The following RANBP2 variants were observed in gnomAD, a reference collection of about 807,000 sequenced individuals.
RANBP2 encodes RAN binding protein 2, also known as E3 SUMO-protein ligase RanBP2.
RANBP2 carries 57 observed loss-of-function variants against 303.6 expected under a neutral mutation model. The ratio of observed to expected loss-of-function variants is 0.19; its 90% CI spans 0.15 to 0.23. The LOEUF (loss-of-function observed/expected upper bound fraction) is 0.23. RANBP2 is among the 10% of genes least tolerant of loss of function. The pLI, the probability that RANBP2 is intolerant of heterozygous loss-of-function variation, is 1.00. For missense variants in RANBP2, 3,138 were observed against 3,780.8 expected (o/e 0.83, Z 4.46); for synonymous variants, 1,167 against 1,301.5 (o/e 0.90, Z 2.23).
At chr2:109,614,485 C>A in the RANBP2 span, 10 of 1,233,548 alleles carry the variant, frequency 8.1e-6, no homozygotes, top group South Asian at 1.4e-4. Context: ...GCAGCGCGGT[C>A]GAGGATGGAG....
the RANBP2 span, among the ~76,000 whole-genome samples, chr2:108,923,082 C>T: frequency 6.6e-6 from 1 of 152,134 alleles, no homozygotes; most frequent in Non-Finnish European, 1.5e-5. Context: ...GTTAGTACCC[C>T]CATATTACCG....
At chr2:108,877,521 G>C in the RANBP2 span, among the ~76,000 whole-genome samples, 1 of 151,966 alleles carries the variant, frequency 6.6e-6, no homozygotes, top group South Asian at 2.1e-4. Flanking sequence ...GTGCACATTA[G>C]AAACAAAAAA....
At chr2:108,843,232 A>G in the RANBP2 span, among the ~76,000 whole-genome samples, 2 of 152,078 alleles carry the variant, frequency 1.3e-5, no homozygotes, top group Non-Finnish European at 2.9e-5. Flanking sequence ...ATCTTGGCTC[A>G]CTGCAACCTC....
the RANBP2 span, among the ~76,000 whole-genome samples, chr2:109,483,235 CA>C: frequency 6.6e-6 from 1 of 152,188 alleles, no homozygotes; most frequent in Non-Finnish European, 1.5e-5. Context: ...AAATAATAAT[CA>C]AAAAACTTCC....
the RANBP2 span, among the ~76,000 whole-genome samples, chr2:109,175,073 AT>A: frequency 6.7e-6 from 1 of 149,202 alleles, no homozygotes; most frequent in Non-Finnish European, 1.5e-5. Flanking sequence ...TATTTAAATG[AT>A]TTTGAGATGC....
In RANBP2 at chr2:108,767,718, A is replaced by G. The variant is rs1258206214; in HGVS notation, c.7179A>G (p.Gln2393=). 1 of 1,612,056 alleles carries G rather than the reference A, an allele frequency of 6.2e-7. No individual in the cohort carries two copies. The highest frequency in any genetic ancestry group is 1.7e-5 in the Admixed American group (1 of 60,024). Residue 2393 remains glutamine, a synonymous_variant, in exon 20 of 29, where the codon CAA becomes CAG. Transcript: ENST00000283195. ...GAATAACTCCAGACATGACTTTGCAAAATATGAAAGGGACAGAAAGAGTAT... is the reference window on the plus strand; with the variant it reads ...GAATAACTCCAGACATGACTTTGCAGAATATGAAAGGGACAGAAAGAGTAT... ...NHRITPDMTL[Q]NMKGTERVWL... is the part of the protein sequence containing the mutation.
the RANBP2 span, among the ~76,000 whole-genome samples, chr2:109,325,269 G>A: frequency 4.7e-5 from 7 of 150,410 alleles, no homozygotes; most frequent in East Asian, 3.9e-4. Flanking sequence ...CCAAGAAATC[G>A]TAGAATCCCA....
At chr2:109,706,703 T>C in the RANBP2 span, among the ~76,000 whole-genome samples, 1 of 152,248 alleles carries the variant, frequency 6.6e-6, no homozygotes, top group East Asian at 1.9e-4. Context: ...GAAATGATGC[T>C]TGGTGCACAG....
chr2:109,076,799 G>A, the RANBP2 span, among the ~76,000 whole-genome samples: 1 of 150,536 alleles, frequency 6.6e-6, no homozygotes, highest in South Asian at 2.1e-4. Context: ...AATTAATATT[G>A]TGTAAACACT....
the RANBP2 span, chr2:109,667,634 A>C: frequency 1.2e-5 from 2 of 162,334 alleles, no homozygotes; most frequent in Non-Finnish European, 2.7e-5. Flanking sequence ...ATGATTTCCT[A>C]GCTCGGGATG....
the RANBP2 span, among the ~76,000 whole-genome samples, chr2:108,824,363 T>G: frequency 1.3e-5 from 2 of 152,202 alleles, no homozygotes; most frequent in African/African-American, 4.8e-5. Flanking sequence ...AAATTTTTAT[T>G]TTAGTTTTTA....
the RANBP2 span, among the ~76,000 whole-genome samples, chr2:108,923,656 T>C: frequency 6.6e-6 from 1 of 152,242 alleles, no homozygotes; most frequent in Non-Finnish European, 1.5e-5. Flanking sequence ...TTTAACAATA[T>C]TGAGCTGCCA....
the RANBP2 span, among the ~76,000 whole-genome samples, chr2:109,313,017 A>G: frequency 6.6e-6 from 1 of 152,188 alleles, no homozygotes; most frequent in African/African-American, 2.4e-5. Flanking sequence ...GATTTGTGAC[A>G]GGTGGGCAAA....
the RANBP2 span, among the ~76,000 whole-genome samples, chr2:109,151,778 A>C: frequency 6.6e-6 from 1 of 152,232 alleles, no homozygotes; most frequent in Admixed American, 6.5e-5. Context: ...AAGTTCTGGC[A>C]CCAGTGCACT....
At chr2:109,501,759 A>C in the RANBP2 span, 1 of 663,128 alleles carries the variant, frequency 1.5e-6, no homozygotes, top group South Asian at 1.7e-5. Context: ...TGGCGCCCCA[A>C]GGGTTCCAGG....
At chr2:109,450,811 G>C in the RANBP2 span, among the ~76,000 whole-genome samples, 1 of 152,256 alleles carries the variant, frequency 6.6e-6, no homozygotes, top group Non-Finnish European at 1.5e-5. Context: ...TGGCCTTGCT[G>C]CCTGAACGGT....
chr2:109,725,223 C>T, the RANBP2 span, among the ~76,000 whole-genome samples: 1 of 152,182 alleles, frequency 6.6e-6, no homozygotes, highest in Admixed American at 6.5e-5. Context: ...TTGGTTGTTC[C>T]TCACTTGCAG....
At position 108,730,699 on chromosome 2, in the gene RANBP2, A is replaced by G. The variant is rs1246146541; in HGVS notation, c.141-75A>G. On this transcript the variant is annotated intron_variant, in intron 2 of 28. Coordinates refer to ENST00000283195, the MANE Select transcript of RANBP2 (RefSeq NM_006267.5). ...CGAGTTTAGTGGTTGCTTTGGTTTA[A>G]GATGTATTCTTCGGTTAGCATTTAA... The G allele has an allele frequency of 1.2e-5, 19 of 1,549,632 alleles. No homozygotes were observed. In the African/African-American group the frequency reaches 1.9e-4, roughly 16 times the overall value.
chr2:109,036,779 G>C, the RANBP2 span, among the ~76,000 whole-genome samples: 1 of 152,098 alleles, frequency 6.6e-6, no homozygotes, highest in Non-Finnish European at 1.5e-5. Flanking sequence ...AGGCTGAGAT[G>C]GGCGGATTGC....
Sources: allele counts gnomAD v4.1 joint callset (sites outside exome capture counted in the v4.1 genomes callset), GRCh38; gene constraint gnomAD v4.1.1; transcripts MANE v1.5; gene names NCBI Gene and HGNC (gene_info 2026-07-23, HGNC 2026-07-21).